The following KLHDC10 variants were observed in gnomAD, a reference collection of about 807,000 sequenced individuals.
KLHDC10 encodes kelch domain-containing protein 10.
KLHDC10 carries 24 observed loss-of-function variants against 56.1 expected under a neutral mutation model. The ratio of observed to expected loss-of-function variants is 0.43; its 90% CI spans 0.31 to 0.60. The LOEUF is 0.60. Among genes scored for constraint, KLHDC10 ranks in the 20% least tolerant of loss-of-function variants. The pLI is 0.11. For missense variants in KLHDC10, 349 were observed against 567.0 expected (o/e 0.62, Z 3.91); for synonymous variants, 188 against 207.1 (o/e 0.91, Z 0.79).
chr7:130,100,826 CAT>C (rs1795919257), intron 2 of KLHDC10, among the ~76,000 whole-genome samples: 1 of 152,092 alleles, frequency 6.6e-6, no homozygotes, highest in African/African-American at 2.4e-5. Flanking sequence ...TTCTCTAAAA[CAT>C]ATTTCTACCA....
At chr7:130,090,420 T>G (rs1478520080) in intron 1 of KLHDC10, among the ~76,000 whole-genome samples, 1 of 151,800 alleles carries the variant, frequency 6.6e-6, no homozygotes, top group Non-Finnish European at 1.5e-5. Context: ...AGACCCTATC[T>G]CTACAAAAAA....
At chr7:130,128,364 T>TA (rs1796340954) in intron 8 of KLHDC10, among the ~76,000 whole-genome samples, 2 of 152,220 alleles carry the variant, frequency 1.3e-5, no homozygotes, top group Non-Finnish European at 2.9e-5. Context: ...ACCATACAAA[T>TA]AGAATTCAAC....
At position 130,130,247 on chromosome 7, in the gene KLHDC10, G is replaced by A. The variant is rs1254711126; in HGVS notation, c.1120-290G>A. Among the ~76,000 whole-genome samples, 1 of 151,438 alleles carries A rather than the reference G, an allele frequency of 6.6e-6. No individual in the cohort carries two copies. Among genetic ancestry groups the A allele is most frequent in the Non-Finnish European group, 1.5e-5 (1 of 67,942 alleles). ...AAGCAGGAGAATGGCGTGAACCCGG[G>A]AGGCGGAGAGCTTGCAGTGAGCTGA... is the stretch of plus-strand genomic sequence containing the variant. On this transcript the variant is annotated intron_variant, in intron 9 of 9. Transcript: ENST00000335420. This position sits in a 1 kb window ranked among gnomAD's most constrained non-coding sequence, Gnocchi z 4.2.
chr7:130,106,978 A>G (rs550671326), intron 2 of KLHDC10, among the ~76,000 whole-genome samples: 1 of 152,336 alleles, frequency 6.6e-6, no homozygotes, highest in South Asian at 2.1e-4. Context: ...CTCAAAAATA[A>G]ATAAACAAAT....
At chr7:130,074,388 G>A (rs1159027615) in intron 1 of KLHDC10, among the ~76,000 whole-genome samples, 4 of 152,010 alleles carry the variant, frequency 2.6e-5, no homozygotes, top group African/African-American at 9.7e-5. Flanking sequence ...TTTACCATTT[G>A]TGTGTGATTC....
Position 130,122,036 on chromosome 7 carries a change from C to G in KLHDC10, c.631-18C>G. 1.9e-6 allele frequency: 3 copies of G among 1,606,688 alleles called. No homozygotes were observed. Among genetic ancestry groups the G allele is most frequent in the Non-Finnish European group, 2.5e-6 (3 of 1,177,036 alleles). ...AGTGTTAACAAGTCGGTCTTATTCA[C>G]CTTTCCTTGTTATCCAGGCTATGGC... On this transcript the variant is annotated intron_variant, in intron 4 of 9. Coordinates refer to ENST00000335420, the MANE Select transcript of KLHDC10 (RefSeq NM_014997.4).
chr7:130,128,919 T>TATATATATACAC (rs1292651924), intron 8 of KLHDC10, among the ~76,000 whole-genome samples: 7 of 115,706 alleles, frequency 6.0e-5, no homozygotes, highest in African/African-American at 2.5e-4. Context: ...TATATATATA[T>TATATATATACAC]ACATACTAGC....
At chr7:130,092,778 A>G (rs1795793436) in intron 1 of KLHDC10, among the ~76,000 whole-genome samples, 1 of 152,120 alleles carries the variant, frequency 6.6e-6, no homozygotes, top group South Asian at 2.1e-4. Context: ...CTACACTCCA[A>G]TCACTTAGGC....
chr7:130,073,331 T>G (rs1415409257), intron 1 of KLHDC10, among the ~76,000 whole-genome samples: 1 of 150,714 alleles, frequency 6.6e-6, no homozygotes, highest in African/African-American at 2.4e-5. Flanking sequence ...AGCCTCACTC[T>G]GTGGCCCAGG....
At chr7:130,128,889 A>AAAAAAAAAAATATATATATATATATAT in intron 8 of KLHDC10, among the ~76,000 whole-genome samples, 17 of 66,946 alleles carry the variant, frequency 2.5e-4, no homozygotes, top group Non-Finnish European at 3.9e-4. Flanking sequence ...AAAAAAAAAA[A>AAAAAAAAAAATATATATATATATATAT]ATATATATAT....
chr7:130,097,281 C>G (rs564295193), intron 2 of KLHDC10, among the ~76,000 whole-genome samples: 48 of 151,818 alleles, frequency 3.2e-4, no homozygotes, highest in Admixed American at 2.9e-3. Context: ...TCCACAGTAG[C>G]CATATTAGAA....
chr7:130,085,099 A>C (rs988408031), intron 1 of KLHDC10, among the ~76,000 whole-genome samples: 2 of 152,014 alleles, frequency 1.3e-5, no homozygotes, highest in African/African-American at 4.8e-5. Context: ...TAATCCCAGC[A>C]CTTTGGGAGG....
chr7:130,103,904 A>G (rs1435692043), intron 2 of KLHDC10, among the ~76,000 whole-genome samples: 7 of 152,066 alleles, frequency 4.6e-5, no homozygotes, highest in Admixed American at 2.0e-4. Flanking sequence ...TCTGGCCAAC[A>G]TGATGAAATC....
intron 2 of KLHDC10, among the ~76,000 whole-genome samples, chr7:130,115,714 C>CAAAAA (rs11451164): frequency 1.0e-5 from 1 of 100,264 alleles, no homozygotes; most frequent in Non-Finnish European, 1.9e-5. Context: ...GACTTGGTCT[C>CAAAAA]AAAAAAAAAA....
At chr7:130,119,719 C>T (rs1430022858) in intron 3 of KLHDC10, among the ~76,000 whole-genome samples, 1 of 151,670 alleles carries the variant, frequency 6.6e-6, no homozygotes, top group Admixed American at 6.6e-5. Flanking sequence ...TGGTGGGCAC[C>T]TGTAATCCCA....
At chr7:130,099,293 G>A (rs752906520) in intron 2 of KLHDC10, among the ~76,000 whole-genome samples, 3 of 151,842 alleles carry the variant, frequency 2.0e-5, no homozygotes, top group African/African-American at 2.4e-5. Flanking sequence ...TCGTTTGTTC[G>A]TTCGTTCATT....
At chr7:130,092,013 GT>G (rs770956011) in intron 1 of KLHDC10, among the ~76,000 whole-genome samples, 5 of 152,174 alleles carry the variant, frequency 3.3e-5, no homozygotes, top group Non-Finnish European at 7.3e-5. Flanking sequence ...AGGACAATTT[GT>G]TGAAAAGACT....
chr7:130,076,564 G>A (rs1795506815), intron 1 of KLHDC10, among the ~76,000 whole-genome samples: 1 of 151,948 alleles, frequency 6.6e-6, no homozygotes, highest in Admixed American at 6.6e-5. Flanking sequence ...AAATATTCTT[G>A]TGTTTTCTCC....
chr7:130,113,646 C>CTGAG (rs150891922), intron 2 of KLHDC10, among the ~76,000 whole-genome samples: 20,293 of 151,968 alleles, frequency 0.13, 1,540 homozygotes, highest in East Asian at 0.31. Context: ...TATTTTTGAC[C>CTGAG]TGAGTGAGTG....
Sources: allele counts gnomAD v4.1 joint callset (sites outside exome capture counted in the v4.1 genomes callset), GRCh38; gene constraint gnomAD v4.1.1; non-coding constraint Gnocchi (gnomAD v3.1); transcripts MANE v1.5; gene names NCBI Gene and HGNC (gene_info 2026-07-23, HGNC 2026-07-21).